USH2A: variants seen among roughly 807,000 people sequenced by gnomAD.
The protein encoded by USH2A is usherin, also known as Usher syndrome 2A (autosomal recessive, mild).
In USH2A, 443 loss-of-function variants were observed where a neutral mutation model predicts 538.9. The observed-to-expected ratio is 0.82, with a 90% confidence interval of 0.76 to 0.89. The LOEUF is 0.89. USH2A is among the 40% of genes least tolerant of loss of function. The pLI, the probability that USH2A is intolerant of heterozygous loss-of-function variation, is 0.00. For missense variants in USH2A, 6,633 were observed against 6,324.8 expected (o/e 1.05, Z -1.65); for synonymous variants, 2,413 against 2,273.5 (o/e 1.06, Z -1.75).
chr1:215,661,969 G>T (rs1657449458), intron 64 of USH2A, among the ~76,000 whole-genome samples: 1 of 152,096 alleles, frequency 6.6e-6, no homozygotes, highest in South Asian at 2.1e-4. Context: ...CATTATTCAT[G>T]GGCATCTTTA....
intron 9 of USH2A, among the ~76,000 whole-genome samples, chr1:216,312,511 GGTAGTCTCTATT>G (rs2037440564): frequency 6.6e-6 from 1 of 151,454 alleles, no homozygotes; most frequent in Admixed American, 6.6e-5. Flanking sequence ...TTTCTATTTT[GGTAGTCTCTATT>G]GACACATCTT....
intron 49 of USH2A, among the ~76,000 whole-genome samples, chr1:215,803,423 A>G (rs1443887406): frequency 6.6e-6 from 1 of 152,204 alleles, no homozygotes; most frequent in African/African-American, 2.4e-5. Context: ...CTGATAGGCA[A>G]CTTCAGCAAA....
At chr1:216,144,528 T>G (rs902787617) in intron 21 of USH2A, among the ~76,000 whole-genome samples, 5 of 152,166 alleles carry the variant, frequency 3.3e-5, no homozygotes, top group African/African-American at 4.8e-5. Flanking sequence ...CAATATGTAT[T>G]GGAAATTTAT....
At chr1:215,709,161 G>A (rs1472672039) in intron 61 of USH2A, among the ~76,000 whole-genome samples, 3 of 152,168 alleles carry the variant, frequency 2.0e-5, no homozygotes, top group African/African-American at 7.2e-5. Flanking sequence ...GAAAGAGATT[G>A]ACATTCAGCA....
intron 9 of USH2A, among the ~76,000 whole-genome samples, chr1:216,302,212 A>G (rs1353441913): frequency 6.6e-6 from 1 of 152,228 alleles, no homozygotes; most frequent in Non-Finnish European, 1.5e-5. Context: ...TGCTTTGCAC[A>G]TGGGAGGTGA....
intron 68 of USH2A, among the ~76,000 whole-genome samples, chr1:215,639,467 G>C (rs887241303): frequency 6.6e-6 from 1 of 152,184 alleles, no homozygotes; most frequent in Admixed American, 6.5e-5. Context: ...AGGAAAATTA[G>C]AGCTTATACA....
intron 71 of USH2A, among the ~76,000 whole-genome samples, chr1:215,626,216 G>T (rs537613191): frequency 8.1e-4 from 121 of 148,756 alleles, no homozygotes; most frequent in Non-Finnish European, 1.4e-3. Context: ...TTAGCTGGGG[G>T]TATATATATA....
intron 32 of USH2A, among the ~76,000 whole-genome samples, chr1:216,044,842 T>C (rs1029286344): frequency 4.6e-5 from 7 of 152,140 alleles, no homozygotes; most frequent in African/African-American, 1.7e-4. Context: ...TGTAAAATAA[T>C]ACCTATGTTG....
chr1:215,725,515 G>C (rs774726310), intron 61 of USH2A, among the ~76,000 whole-genome samples: 2 of 152,144 alleles, frequency 1.3e-5, no homozygotes, highest in African/African-American at 4.8e-5. Context: ...TGTGGAAGAT[G>C]TCCTTGTTTG....
intron 47 of USH2A, among the ~76,000 whole-genome samples, chr1:215,825,251 C>T (rs1228016292): frequency 1.3e-5 from 2 of 152,058 alleles, no homozygotes; most frequent in African/African-American, 2.4e-5. Context: ...TGGGATCTTG[C>T]TATGTTGCTC....
chr1:215,866,056 A>T (rs1486245772), intron 44 of USH2A, among the ~76,000 whole-genome samples: 1 of 152,172 alleles, frequency 6.6e-6, no homozygotes, highest in Non-Finnish European at 1.5e-5. Context: ...CCCAGTGAGC[A>T]GAGTGTTCTT....
intron 10 of USH2A, among the ~76,000 whole-genome samples, chr1:216,291,750 G>A (rs2037006089): frequency 6.6e-6 from 1 of 152,144 alleles, no homozygotes; most frequent in South Asian, 2.1e-4. Context: ...CAGACTACCA[G>A]TGTCCATGCC....
chr1:215,966,420 A>C (rs1342814478), intron 36 of USH2A, among the ~76,000 whole-genome samples: 1 of 152,190 alleles, frequency 6.6e-6, no homozygotes. Flanking sequence ...TTTCAACTTT[A>C]TTCTTAAGGT....
chr1:215,704,534 G>T (rs12022471), intron 61 of USH2A, among the ~76,000 whole-genome samples: 58,073 of 151,956 alleles, frequency 0.38, 12,487 homozygotes, highest in Middle Eastern at 0.5. Flanking sequence ...CCTAGACCTG[G>T]TTAGGAAGCA....
intron 44 of USH2A, among the ~76,000 whole-genome samples, chr1:215,854,020 T>C (rs890747747): frequency 2.6e-5 from 4 of 152,218 alleles, no homozygotes; most frequent in Admixed American, 6.5e-5. Context: ...TTCAGCAGCA[T>C]ACCACTTTAC....
chr1:215,965,198 G>T, intron 37 of USH2A, 119 bp downstream of exon 37: 1 of 1,191,722 alleles, frequency 8.4e-7, no homozygotes, highest in Non-Finnish European at 1.2e-6. Flanking sequence ...TTATTTTCAG[G>T]AAAATAAAGA....
intron 20 of USH2A, among the ~76,000 whole-genome samples, chr1:216,177,955 T>C (rs1255768942): frequency 6.6e-6 from 1 of 152,184 alleles, no homozygotes; most frequent in African/African-American, 2.4e-5. Flanking sequence ...TTTACACCTG[T>C]GTTAACACAG....
chr1:215,977,952 C>G (rs968348757), intron 35 of USH2A, among the ~76,000 whole-genome samples: 10 of 152,038 alleles, frequency 6.6e-5, no homozygotes, highest in Admixed American at 5.9e-4. Flanking sequence ...GTGGCAAAGC[C>G]CTGTCTCTAC....
At chr1:216,256,496 C>A (rs983562087) in intron 11 of USH2A, among the ~76,000 whole-genome samples, 1 of 151,906 alleles carries the variant, frequency 6.6e-6, no homozygotes, top group African/African-American at 2.4e-5. Flanking sequence ...GTATAAGGAT[C>A]TTACAACGGT....
Sources: allele counts gnomAD v4.1 joint callset (sites outside exome capture counted in the v4.1 genomes callset), GRCh38; gene constraint gnomAD v4.1.1; transcripts MANE v1.5; gene names NCBI Gene and HGNC (gene_info 2026-07-23, HGNC 2026-07-21).